The following GATA4 variants were observed in gnomAD, a reference collection of about 807,000 sequenced individuals.
The protein encoded by GATA4 is transcription factor GATA-4.
In GATA4, 7 loss-of-function variants were observed where a neutral mutation model predicts 37.9. The ratio of observed to expected loss-of-function variants is 0.18; its 90% CI spans 0.11 to 0.35. GATA4 has a LOEUF of 0.35. GATA4 is among the 10% of genes least tolerant of loss of function. The pLI is 1.00. For missense variants in GATA4, 647 were observed against 653.0 expected (o/e 0.99, Z 0.10); for synonymous variants, 372 against 292.6 (o/e 1.27, Z -2.77).
Position 11,707,624 on chromosome 8 carries a change from A to G in GATA4, c.-457-232A>G, listed in dbSNP as rs959883306. On this transcript the variant is annotated intron_variant, in intron 1 of 6. Coordinates refer to ENST00000532059, the MANE Select transcript of GATA4 (RefSeq NM_001308093.3). This position sits in a 1 kb window ranked among gnomAD's most constrained non-coding sequence, Gnocchi z 4.7. ...ATAACTGCACACCAAAGACCCGGGAAGCCCCTGGTCCCTGGGGCGCCTCTC... is the reference window on the plus strand; with the variant it reads ...ATAACTGCACACCAAAGACCCGGGAGGCCCCTGGTCCCTGGGGCGCCTCTC... Among the ~76,000 whole-genome samples the G allele has an allele frequency of 2.0e-5, 3 of 152,178 alleles. No individual in the cohort carries two copies. Among genetic ancestry groups the G allele is most frequent in the African/African-American group, 7.2e-5 (3 of 41,442 alleles).
At chr8:11,706,989 G>C (rs1322645486) in intron 1 of GATA4, among the ~76,000 whole-genome samples, 1 of 152,100 alleles carries the variant, frequency 6.6e-6, no homozygotes, top group African/African-American at 2.4e-5. Context: ...ATATAATCAA[G>C]TTCCACAAAC....
chr8:11,748,800 C>A, intron 2 of GATA4, 116 bp from the exon 3 acceptor site: 3 of 1,228,872 alleles, frequency 2.4e-6, no homozygotes, highest in Non-Finnish European at 3.6e-6. Context: ...AGGTGGTCTT[C>A]TCTTTCCAAG....
chr8:11,747,353 T>C (rs1488310681), intron 2 of GATA4, among the ~76,000 whole-genome samples: 1 of 152,214 alleles, frequency 6.6e-6, no homozygotes, highest in African/African-American at 2.4e-5. Context: ...TGTAACATTC[T>C]GTAGACATGG....
In GATA4 at chr8:11,738,448, A is replaced by G. The variant is rs6987492; in HGVS notation, c.617-10468A>G. ...TAATGTCCATGCCTTCTAATATTTCATAGCATATACTGCAAGAATTCCATA... is the reference window on the plus strand; with the variant it reads ...TAATGTCCATGCCTTCTAATATTTCGTAGCATATACTGCAAGAATTCCATA... On this transcript the variant is annotated intron_variant, in intron 2 of 6. Coordinates refer to ENST00000532059, the MANE Select transcript of GATA4 (RefSeq NM_001308093.3). Among the ~76,000 whole-genome samples the G allele has an allele frequency of 2.6e-3, 397 of 152,302 alleles. 3 individuals are homozygous for G. The highest frequency in any genetic ancestry group is 8.9e-3 in the African/African-American group (370 of 41,546).
chr8:11,695,283 G>A lies in GATA4; in HGVS notation c.-729+2623G>A, dbSNP rs534770642. Among the ~76,000 whole-genome samples, 6 of 152,210 alleles carry A rather than the reference G, an allele frequency of 3.9e-5. No individual in the cohort carries two copies. In the South Asian group the frequency reaches 1.0e-3, roughly 26 times the overall value. ...TAGCCGGGCATGGTGGCACATGCCT[G>A]TAATCCCAGCAACTTGGGAGGCTGA... On this transcript the variant is annotated intron_variant, in intron 1 of 2. Transcript: ENST00000526974.
Position 11,758,550 on chromosome 8 carries a change from C to A in GATA4, c.*75C>A, listed in dbSNP as rs772690686. The A allele has an allele frequency of 1.2e-5, 18 of 1,481,688 alleles. No homozygotes were observed. The highest frequency in any genetic ancestry group is 1.7e-5 in the Non-Finnish European group (18 of 1,060,858). 91.8% of individuals were successfully genotyped at this position (1,481,688 alleles called of 1,614,324 possible). Reference sequence around the variant, plus strand: ...ATAGCAAAGAAGGAGGCCCTGGGCTCCCAGGGGCCGGCCTCCTCTGCCTGG... The same window carrying A: ...ATAGCAAAGAAGGAGGCCCTGGGCTACCAGGGGCCGGCCTCCTCTGCCTGG... On this transcript the variant is annotated 3_prime_UTR_variant, in exon 7 of 7. Coordinates refer to ENST00000532059, the MANE Select transcript of GATA4 (RefSeq NM_001308093.3).
intron 2 of GATA4, among the ~76,000 whole-genome samples, chr8:11,720,213 A>G (rs1470398958): frequency 2.6e-5 from 4 of 151,774 alleles, no homozygotes; most frequent in Non-Finnish European, 5.9e-5. Context: ...GGACTGCTCT[A>G]CCGCCCTTTG....
At chr8:11,705,791 G>A (rs1338737316) in intron 1 of GATA4, 4 of 152,180 alleles carry the variant, frequency 2.6e-5, no homozygotes, top group African/African-American at 9.7e-5. Context: ...CAGAGAATGT[G>A]ATAAAGACAA....
chr8:11,726,549 A>C (rs897384800), intron 2 of GATA4, among the ~76,000 whole-genome samples: 1 of 152,100 alleles, frequency 6.6e-6, no homozygotes, highest in Admixed American at 6.5e-5. Flanking sequence ...TCTGAGGGCT[A>C]AGGGCTGGTG....
chr8:11,698,017 G>C, intron 1 of GATA4: 1 of 985,362 alleles, frequency 1.0e-6, no homozygotes, highest in Non-Finnish European at 1.2e-6. Context: ...GGCAAGAGGA[G>C]CCCTGGACTC....
chr8:11,735,524 T>G (rs13259242), intron 2 of GATA4, among the ~76,000 whole-genome samples: 48,511 of 152,262 alleles, frequency 0.32, 9,995 homozygotes, highest in Non-Finnish European at 0.47. Flanking sequence ...GATGGGATCA[T>G]GGTGATGGTG....
chr8:11,756,506 T>G (rs771646797), intron 5 of GATA4: 1 of 235,746 alleles, frequency 4.2e-6, no homozygotes, highest in Non-Finnish European at 8.5e-6. Context: ...AAACCTATTT[T>G]GAACAGACAC....
At chr8:11,738,523 A>AT (rs1801570136) in intron 2 of GATA4, among the ~76,000 whole-genome samples, 5 of 152,246 alleles carry the variant, frequency 3.3e-5, no homozygotes, top group Admixed American at 2.6e-4. Context: ...CCTTAATTGA[A>AT]TTAACCAGTC....
At chr8:11,677,928 G>A (rs903465675) in intron 1 of GATA4, among the ~76,000 whole-genome samples, 6 of 151,818 alleles carry the variant, frequency 4.0e-5, no homozygotes, top group South Asian at 2.1e-4. Context: ...CATACAAGTC[G>A]AAATTACCTC....
intron 2 of GATA4, among the ~76,000 whole-genome samples, chr8:11,732,319 C>G (rs1430033615): frequency 1.3e-5 from 2 of 152,194 alleles, no homozygotes; most frequent in East Asian, 1.9e-4. Context: ...TGTCATCGAA[C>G]TATTCTCCAG....
chr8:11,735,041 G>C (rs962611333), intron 2 of GATA4, among the ~76,000 whole-genome samples: 9 of 152,156 alleles, frequency 5.9e-5, no homozygotes, highest in African/African-American at 2.2e-4. Flanking sequence ...TTAAAACTGG[G>C]AAACATAATA....
intron 1 of GATA4, among the ~76,000 whole-genome samples, chr8:11,693,554 C>CAGAGAG (rs1447123508): frequency 5.4e-4 from 61 of 113,296 alleles, no homozygotes; most frequent in African/African-American, 1.6e-3. Flanking sequence ...CACACACACA[C>CAGAGAG]ACACACACAG....
At chr8:11,697,310 G>C (rs903299024) in intron 1 of GATA4, among the ~76,000 whole-genome samples, 9 of 152,232 alleles carry the variant, frequency 5.9e-5, no homozygotes, top group African/African-American at 2.2e-4. Flanking sequence ...TGGAGTGGGA[G>C]GTTCTTCTTT....
intron 2 of GATA4, among the ~76,000 whole-genome samples, chr8:11,712,657 A>G (rs1204498152): frequency 1.3e-5 from 2 of 149,944 alleles, no homozygotes; most frequent in Admixed American, 1.3e-4. Context: ...GGAGTTTGAG[A>G]CCAACCTGGA....
Sources: gnomAD v4.1 joint callset for allele counts (sites outside exome capture counted in the v4.1 genomes callset) on GRCh38, gnomAD v4.1.1 for gene constraint, Gnocchi (gnomAD v3.1) non-coding constraint, MANE v1.5 for transcripts, NCBI Gene and HGNC (gene_info 2026-07-23, HGNC 2026-07-21) for gene names.